COL16A1: variants seen among roughly 807,000 people sequenced by gnomAD.
COL16A1 encodes collagen type XVI alpha 1 chain, also known as collagen alpha-1(XVI) chain.
COL16A1 carries 189 observed loss-of-function variants against 266.3 expected under a neutral mutation model. The observed-to-expected ratio is 0.71, with a 90% CI of 0.63 to 0.80. The LOEUF is 0.80. Ranked by LOEUF, COL16A1 falls within the 30% of genes least tolerant of loss-of-function variation. The probability of loss-of-function intolerance (pLI) is 0.00; values close to 1 mark genes in which losing one functional copy is unlikely to be tolerated. For synonymous variants in COL16A1, 740 were observed against 782.3 expected, an observed-to-expected ratio of 0.95 and a Z score of 0.90; for missense variants, 1,928 against 2,122.4, an observed-to-expected ratio of 0.91 and a Z score of 1.80.
intron 38 of COL16A1, 22 bp downstream of exon 38, chr1:31,681,001 T>C (rs769682598): frequency 3.7e-6 from 6 of 1,613,886 alleles, no homozygotes; most frequent in Non-Finnish European, 5.1e-6. Flanking sequence ...GGCTTCCTGC[T>C]GCCCCAAGGC....
Position 31,697,137 on chromosome 1 carries a change from C to T in COL16A1, c.739-49G>A. On this transcript the variant is annotated intron_variant, in intron 7 of 70. Coordinates refer to ENST00000373672, the MANE Select transcript of COL16A1 (RefSeq NM_001856.4). The surrounding 1 kb of genome is among the most constrained non-coding windows in gnomAD (Gnocchi z 4.2). Reference sequence around the variant, plus strand: ...AGGGTCAGTACAGGAGCAGACTCCTCCTAAGACCTCCAGGCATCACCTTCC... The same window carrying T: ...AGGGTCAGTACAGGAGCAGACTCCTTCTAAGACCTCCAGGCATCACCTTCC... 1 of 1,613,012 alleles carries T rather than the reference C, an allele frequency of 6.2e-7. No homozygotes were observed. Among genetic ancestry groups the T allele is most frequent in the Non-Finnish European group, 8.5e-7 (1 of 1,179,274 alleles).
At chr1:31,660,462 G>T in intron 62 of COL16A1, 123 bp downstream of exon 62, 3 of 1,301,000 alleles carry the variant, frequency 2.3e-6, no homozygotes, top group Non-Finnish European at 3.2e-6. Flanking sequence ...TGGCCCCCGT[G>T]CTCCCACGGC....
rs1251669735 is a variant in COL16A1, at chr1:31,670,627, C to T, written c.3170G>A (p.Gly1057Asp). 13 of 1,423,348 alleles carry T rather than the reference C, an allele frequency of 9.1e-6. No homozygotes were observed. Among genetic ancestry groups the T allele is most frequent in the Non-Finnish European group, 1.2e-5 (13 of 1,092,372 alleles). The allele number at this position is 1,423,348 out of a possible 1,614,324, so 88.2% of individuals were successfully genotyped here. A position where few individuals can be genotyped will look rare whatever the true frequency, so the allele number is the denominator to read the frequency against. ...PGPIGPPGFP[G>D]AVGSPGLPGL... is the part of the protein sequence containing the mutation. ...AGGCAATCCGGGGGAGCCAACAGCA[C>T]CAGGAAAACCTGGGGGGCCCTGGTG... Residue 1057 changes from glycine (G) to aspartate (D), a missense_variant, in exon 49 of 71, where the codon GGT becomes GAT. By Grantham distance (94) the Gly-to-Asp change is moderately conservative. Transcript: ENST00000373672. The surrounding 1 kb of genome is among the most constrained non-coding windows in gnomAD (Gnocchi z 4.5).
chr1:31,681,497 GT>G (rs1643639478), intron 37 of COL16A1, among the ~76,000 whole-genome samples: 1 of 152,196 alleles, frequency 6.6e-6, no homozygotes, highest in African/African-American at 2.4e-5. Context: ...AGTTACATCT[GT>G]TGACCTAACT....
chr1:31,691,781 C>T, intron 17 of COL16A1, 139 bp from the exon 18 acceptor site: 2 of 1,252,146 alleles, frequency 1.6e-6, no homozygotes, highest in Admixed American at 2.4e-5. Flanking sequence ...CCAAGGTCAG[C>T]ACATGTCAAC....
At chr1:31,702,315 C>T (rs893644645) in intron 1 of COL16A1, 88 bp from the exon 2 acceptor site, 11 of 1,375,718 alleles carry the variant, frequency 8.0e-6, no homozygotes, top group East Asian at 5.0e-5. Flanking sequence ...GCCTGTGGGG[C>T]CCAGGCACTG....
In COL16A1 at chr1:31,668,688, A is replaced by G; in HGVS notation, c.3249+114T>C. The G allele has an allele frequency of 8.8e-7, 1 of 1,141,798 alleles. No homozygotes were observed. The highest frequency in any genetic ancestry group is 1.3e-5 in the South Asian group (1 of 79,668). The allele number at this position is 1,141,798 out of a possible 1,614,324, so 70.7% of individuals were successfully genotyped here. A position where few individuals can be genotyped will look rare whatever the true frequency, so the allele number is the denominator to read the frequency against. On this transcript the variant is annotated intron_variant, in intron 50 of 70. Coordinates refer to ENST00000373672, the MANE Select transcript of COL16A1 (RefSeq NM_001856.4). This position sits in a 1 kb window ranked among gnomAD's most constrained non-coding sequence, Gnocchi z 5.8. ...TCCCGGCAGAAGGGCAGAGAGTCTCAAGGAGTCCACCTCCCAGCTTCCACT... is the reference window on the plus strand; with the variant it reads ...TCCCGGCAGAAGGGCAGAGAGTCTCGAGGAGTCCACCTCCCAGCTTCCACT...
At chr1:31,692,924 G>A in intron 13 of COL16A1, 116 bp from the exon 14 acceptor site, 1 of 1,103,560 alleles carries the variant, frequency 9.1e-7, no homozygotes, top group Non-Finnish European at 1.4e-6. Flanking sequence ...AGAAAAGGGG[G>A]GCTTCTACAC....
chr1:31,662,673 CG>C lies in COL16A1; in HGVS notation c.3556-16del, dbSNP rs1641788309. On this transcript the variant is annotated splice_polypyrimidine_tract_variant and intron_variant, in intron 56 of 70. Transcript: ENST00000373672. ...CCTTCGCTGCCCTGGAAACCAGCGCCGCCCCCCCCCCCCGCCCCACAATAAA... is the reference window on the plus strand; with the variant it reads ...CCTTCGCTGCCCTGGAAACCAGCGCCCCCCCCCCCCCCGCCCCACAATAAA... 1.5e-5 allele frequency: 18 copies of C among 1,174,466 alleles called. No individual in the cohort carries two copies. The highest frequency in any genetic ancestry group is 5.6e-5 in the South Asian group (4 of 71,610). 72.8% of individuals were successfully genotyped at this position (1,174,466 alleles called of 1,614,324 possible).
rs749707567 is a variant in COL16A1 at position 31,702,148 on chromosome 1, C to T, written c.46G>A (p.Ala16Thr). 1 of 1,614,174 alleles carries T rather than the reference C, an allele frequency of 6.2e-7. No individual in the cohort carries two copies. The highest frequency in any genetic ancestry group is 1.1e-5 in the South Asian group (1 of 91,084). The change falls in exon 2 of 71, where the codon GCT (alanine) becomes ACT (threonine). Residue 16 changes from alanine to threonine, a missense_variant. Around this residue, in one of 2 missense-constraint regions of COL16A1, gnomAD observed 1,552 missense variants for 1,637.2 expected, o/e 0.95. Coordinates refer to ENST00000373672, the MANE Select transcript of COL16A1 (RefSeq NM_001856.4). Reference sequence around the variant, plus strand: ...GTATTTGCCCCATGGCCGAAGGTAGCCCAAAGACCGAGCAGCCACAGGCCA... The same window carrying T: ...GTATTTGCCCCATGGCCGAAGGTAGTCCAAAGACCGAGCAGCCACAGGCCA... ...APGLWLLGLW[A>T]TFGHGANTGA...
At position 31,699,847 on chromosome 1, in the gene COL16A1, G is replaced by A. The variant is rs774365555; in HGVS notation, c.232C>T (p.Arg78Cys). The part of the protein sequence containing the change: ...IRNPKGPLIL[R>C]LGAAPVTQPT... ...TGGGTCACGGGGGCCGCCCCCAGGC[G>A]CAGGATGAGAGGCCCCTTGGGGTTG... The change falls in exon 4 of 71, where the codon CGC (arginine) becomes TGC (cysteine). Residue 78 changes from arginine (R) to cysteine (C), a missense_variant. Transcript: ENST00000373672. 3.5e-5 allele frequency: 57 copies of A among 1,613,496 alleles called. No homozygotes were observed. Among genetic ancestry groups the A allele is most frequent in the Admixed American group, 2.2e-4 (13 of 60,002 alleles).
At chr1:31,675,524 G>A (rs754914269) in intron 42 of COL16A1, among the ~76,000 whole-genome samples, 3 of 152,206 alleles carry the variant, frequency 2.0e-5, no homozygotes, top group Admixed American at 6.5e-5. Flanking sequence ...CCCCCAAACC[G>A]TCCAACAGCA....
intron 37 of COL16A1, 75 bp from the exon 38 acceptor site, chr1:31,681,142 G>T: frequency 1.3e-6 from 2 of 1,525,574 alleles, no homozygotes; most frequent in Non-Finnish European, 8.7e-7. Flanking sequence ...CAGAAAAGGG[G>T]TGTAGGACAA....
At position 31,667,640 on chromosome 1, in the gene COL16A1, CAA is replaced by C. The variant is rs758314953; in HGVS notation, c.3304-14_3304-13del. 164 of 1,602,680 alleles carry C rather than the reference CAA, an allele frequency of 1.0e-4. No homozygotes were observed. The highest frequency in any genetic ancestry group is 1.3e-4 in the Non-Finnish European group (155 of 1,174,910). ...TCCCCCTTGATGCCCTGACAAGTGG[CAA>C]AGAGACAGTGGAATTAGCCCCACAG... is the stretch of plus-strand genomic sequence containing the variant. On this transcript the variant is annotated splice_polypyrimidine_tract_variant and intron_variant, in intron 51 of 70. Transcript: ENST00000373672.
intron 8 of COL16A1, 92 bp downstream of exon 8, chr1:31,696,871 A>G (rs1228754981): frequency 1.9e-6 from 3 of 1,585,362 alleles, no homozygotes; most frequent in Admixed American, 1.7e-5. Context: ...CCCATGGCCA[A>G]CTGACCCTGG....
chr1:31,700,233 T>C, intron 2 of COL16A1, 118 bp from the exon 3 acceptor site: 1 of 923,040 alleles, frequency 1.1e-6, no homozygotes, highest in South Asian at 1.5e-5. Flanking sequence ...GACCATCAGC[T>C]AGATCCTGCC....
In COL16A1 at chr1:31,654,737, A is replaced by T. The variant is rs569964949; in HGVS notation, c.4357+55T>A. 5.6e-6 allele frequency: 9 copies of T among 1,613,242 alleles called. No homozygotes were observed. The South Asian group carries it at 9.9e-5, about 18-fold the overall frequency. ...AGAAAGAGGCCAAGGCAGGGCAGAG[A>T]AGTCACAAGGAAGGGCAGACAGCAC... On this transcript the variant is annotated intron_variant, in intron 68 of 70. Transcript: ENST00000373672.
rs1395984272 is a variant in COL16A1 at position 31,656,271 on chromosome 1, A to G, written c.4101+129T>C. 5 of 1,483,708 alleles carry G rather than the reference A, an allele frequency of 3.4e-6. No individual in the cohort carries two copies. In the African/African-American group the frequency reaches 5.7e-5, roughly 17 times the overall value. 91.9% of individuals were successfully genotyped at this position (1,483,708 alleles called of 1,614,324 possible). On this transcript the variant is annotated intron_variant, in intron 66 of 70. Coordinates refer to ENST00000373672, the MANE Select transcript of COL16A1 (RefSeq NM_001856.4). The surrounding 1 kb of genome is among the most constrained non-coding windows in gnomAD (Gnocchi z 4.2). ...AATTTTCAGACACTATCCTGCTCCAAGTTCTGCATTTTTGCCCCCTGCCCA... is the reference window on the plus strand; with the variant it reads ...AATTTTCAGACACTATCCTGCTCCAGGTTCTGCATTTTTGCCCCCTGCCCA...
intron 66 of COL16A1, chr1:31,655,788 G>T (rs1220734560): frequency 4.5e-6 from 2 of 448,784 alleles, no homozygotes; most frequent in Non-Finnish European, 7.8e-6. Context: ...GGTCCTGATC[G>T]TTCCTTCCTC....
Sources: allele counts gnomAD v4.1 joint callset (sites outside exome capture counted in the v4.1 genomes callset), GRCh38; gene constraint gnomAD v4.1.1; regional missense constraint gnomAD v4.1.1; non-coding constraint Gnocchi (gnomAD v3.1); transcripts MANE v1.5; gene names NCBI Gene and HGNC (gene_info 2026-07-23, HGNC 2026-07-21).